TGFBR1: variants seen among roughly 807,000 people sequenced by gnomAD.
TGFBR1 encodes TGF-beta receptor type-1.
A neutral mutation model predicts 55.1 loss-of-function variants in TGFBR1; 20 were observed. The observed-to-expected ratio is 0.36, with a 90% CI of 0.26 to 0.53. The LOEUF is 0.53. TGFBR1 is among the 20% of genes least tolerant of loss of function. The pLI is 0.91. For missense variants in TGFBR1, 385 were observed against 617.6 expected (o/e 0.62, Z 3.99); for synonymous variants, 220 against 214.8 (o/e 1.02, Z -0.21).
At chr9:99,119,145 A>G (rs1021546612) in intron 1 of TGFBR1, among the ~76,000 whole-genome samples, 3 of 152,330 alleles carry the variant, frequency 2.0e-5, no homozygotes, top group Admixed American at 6.5e-5. Context: ...CTAACTGCCC[A>G]GGACCATCAG....
intron 8 of TGFBR1, among the ~76,000 whole-genome samples, chr9:99,148,485 T>C (rs1352902100): frequency 1.3e-5 from 2 of 152,228 alleles, no homozygotes; most frequent in Non-Finnish European, 2.9e-5. Flanking sequence ...GGTTTGAAGA[T>C]TTGTAGCTTA....
chr9:99,147,035 T>A (rs944313501), intron 7 of TGFBR1, among the ~76,000 whole-genome samples: 2 of 152,184 alleles, frequency 1.3e-5, no homozygotes, highest in African/African-American at 4.8e-5. Context: ...TATGTTACCA[T>A]TGTGTTGTAT....
intron 1 of TGFBR1, among the ~76,000 whole-genome samples, chr9:99,118,275 T>A (rs992490048): frequency 6.6e-6 from 1 of 152,232 alleles, no homozygotes; most frequent in Admixed American, 6.5e-5. Flanking sequence ...CCTCTGCAAG[T>A]AATGATAGTT....
In TGFBR1 at chr9:99,132,563, C is replaced by G; in HGVS notation, c.398C>G (p.Pro133Arg). ...GAACTGGCAGCTGTCATTGCTGGAC[C>G]AGTGTGCTTCGTCTGCATCTCACTC... is the stretch of plus-strand genomic sequence containing the variant. The part of the protein sequence containing the change: ...PVELAAVIAG[P>R]VCFVCISLML... The change falls in exon 3 of 9, where the codon CCA (proline) becomes CGA (arginine). Residue 133 changes from proline (P) to arginine (R), a missense_variant. Around this residue, in one of 5 missense-constraint regions of TGFBR1, gnomAD observed 146 missense variants for 167.7 expected, o/e 0.87. Transcript: ENST00000374994. 1 of 1,614,140 alleles carries G rather than the reference C, an allele frequency of 6.2e-7. No individual in the cohort carries two copies. The highest frequency in any genetic ancestry group is 8.5e-7 in the Non-Finnish European group (1 of 1,180,024).
At chr9:99,125,904 A>G (rs1341319657) in intron 1 of TGFBR1, among the ~76,000 whole-genome samples, 1 of 152,162 alleles carries the variant, frequency 6.6e-6, no homozygotes, top group Non-Finnish European at 1.5e-5. Context: ...GGATTCAGAG[A>G]TGTGAAAAAC....
At chr9:99,134,832 A>T (rs1359167822) in intron 3 of TGFBR1, among the ~76,000 whole-genome samples, 4 of 114,018 alleles carry the variant, frequency 3.5e-5, no homozygotes, top group South Asian at 2.7e-4. Context: ...ATATATATAT[A>T]TATATATATA....
Position 99,128,552 on chromosome 9 carries a change from C to T in TGFBR1, c.98-303C>T, listed in dbSNP as rs1360185037. ...TTTGTTTCTAATGGGAAGGCAAATGCTTGCCTTGCTTTGATGAAATTGAAC... is the reference window on the plus strand; with the variant it reads ...TTTGTTTCTAATGGGAAGGCAAATGTTTGCCTTGCTTTGATGAAATTGAAC... On this transcript the variant is annotated intron_variant, in intron 1 of 8. Coordinates refer to ENST00000374994, the MANE Select transcript of TGFBR1 (RefSeq NM_004612.4). 5 of 420,262 alleles carry T rather than the reference C, an allele frequency of 1.2e-5. No homozygotes were observed. In the Admixed American group the frequency reaches 1.7e-4, roughly 15 times the overall value. 26.0% of individuals were successfully genotyped at this position (420,262 alleles called of 1,614,324 possible).
At chr9:99,122,381 G>A (rs1826921095) in intron 1 of TGFBR1, among the ~76,000 whole-genome samples, 2 of 151,930 alleles carry the variant, frequency 1.3e-5, no homozygotes, top group Non-Finnish European at 1.5e-5. Context: ...AGACATATGG[G>A]CTTGTGAATT....
chr9:99,134,830 A>ATATATATATG, intron 3 of TGFBR1, among the ~76,000 whole-genome samples: 1 of 112,500 alleles, frequency 8.9e-6, no homozygotes, highest in African/African-American at 3.2e-5. Flanking sequence ...ATATATATAT[A>ATATATATATG]TATATATATA....
At chr9:99,121,807 A>G (rs1380405166) in intron 1 of TGFBR1, among the ~76,000 whole-genome samples, 1 of 152,168 alleles carries the variant, frequency 6.6e-6, no homozygotes, top group Non-Finnish European at 1.5e-5. Context: ...GGTCATCACC[A>G]GCAAAGTCAG....
chr9:99,138,199 T>A, intron 4 of TGFBR1, 110 bp downstream of exon 4: 1 of 952,542 alleles, frequency 1.0e-6, no homozygotes, highest in Non-Finnish European at 1.7e-6. Context: ...ATGTCTCTCA[T>A]GTAGATTAGA....
intron 1 of TGFBR1, among the ~76,000 whole-genome samples, chr9:99,107,996 A>G (rs191001565): frequency 1.3e-5 from 2 of 152,284 alleles, no homozygotes; most frequent in East Asian, 3.9e-4. Flanking sequence ...CTGTGCTGCT[A>G]CTTAACTCTA....
chr9:99,105,611 C>T (rs1294676007), intron 1 of TGFBR1, among the ~76,000 whole-genome samples: 4 of 151,872 alleles, frequency 2.6e-5, no homozygotes, highest in Non-Finnish European at 4.4e-5. Flanking sequence ...CGGGGCTGCC[C>T]TCTGGGGTGT....
intron 3 of TGFBR1, among the ~76,000 whole-genome samples, chr9:99,133,477 T>C (rs1166221317): frequency 6.6e-6 from 1 of 152,158 alleles, no homozygotes; most frequent in Non-Finnish European, 1.5e-5. Context: ...TTACTTTTTC[T>C]TGCATGTGGT....
At chr9:99,119,580 T>C (rs185255434) in intron 1 of TGFBR1, among the ~76,000 whole-genome samples, 1 of 152,366 alleles carries the variant, frequency 6.6e-6, no homozygotes, top group East Asian at 1.9e-4. Context: ...TCTTCATCTC[T>C]AAAGGAGCTG....
At chr9:99,133,910 A>T (rs1245092171) in intron 3 of TGFBR1, among the ~76,000 whole-genome samples, 1 of 151,936 alleles carries the variant, frequency 6.6e-6, no homozygotes, top group Non-Finnish European at 1.5e-5. Context: ...AGGCCGAGAC[A>T]GGAGAATCAC....
chr9:99,125,292 T>A (rs900981402), intron 1 of TGFBR1, among the ~76,000 whole-genome samples: 1 of 152,218 alleles, frequency 6.6e-6, no homozygotes, highest in African/African-American at 2.4e-5. Flanking sequence ...TACAGGCTTA[T>A]AAGTTTTACT....
At chr9:99,115,210 T>TGTACTACTTCAGTACAGTACA (rs1355176348) in intron 1 of TGFBR1, among the ~76,000 whole-genome samples, 2 of 152,134 alleles carry the variant, frequency 1.3e-5, no homozygotes, top group Non-Finnish European at 2.9e-5. Flanking sequence ...CTGCAGTTGC[T>TGTACTACTTCAGTACAGTACA]GTACTACTTC....
intron 1 of TGFBR1, among the ~76,000 whole-genome samples, chr9:99,123,141 A>G (rs563702927): frequency 1.3e-5 from 2 of 152,198 alleles, no homozygotes; most frequent in East Asian, 3.9e-4. Context: ...GGTCCTGAGC[A>G]TTTTGCATGA....
Sources: gnomAD v4.1 joint callset for allele counts (sites outside exome capture counted in the v4.1 genomes callset) on GRCh38, gnomAD v4.1.1 for gene constraint, gnomAD v4.1.1 regional missense constraint, MANE v1.5 for transcripts, NCBI Gene and HGNC (gene_info 2026-07-23, HGNC 2026-07-21) for gene names.